NPAS3: variants seen among roughly 807,000 people sequenced by gnomAD.
NPAS3 encodes the protein neuronal PAS domain-containing protein 3.
A neutral mutation model predicts 73.1 loss-of-function variants in NPAS3; 14 were observed. That is an observed-to-expected ratio of 0.19 (90% CI 0.13 to 0.30). The LOEUF (loss-of-function observed/expected upper bound fraction) is 0.30. Among genes scored for constraint, NPAS3 ranks in the 10% least tolerant of loss-of-function variants. The pLI is 1.00. For synonymous variants in NPAS3, 620 were observed against 541.5 expected (o/e 1.14, Z -2.01); for missense variants, 1,096 against 1,250.0 (o/e 0.88, Z 1.86).
chr14:33,079,609 C>CTTTTTTTT (rs34920021), intron 2 of NPAS3, among the ~76,000 whole-genome samples: 4 of 56,046 alleles, frequency 7.1e-5, no homozygotes, highest in Non-Finnish European at 1.2e-4. Flanking sequence ...TGAGCCAGGC[C>CTTTTTTTT]TTTTTTTTTT....
chr14:32,996,735 T>G (rs916713060), intron 1 of NPAS3, among the ~76,000 whole-genome samples: 1 of 152,126 alleles, frequency 6.6e-6, no homozygotes, highest in African/African-American at 2.4e-5. Context: ...AGAGGATATA[T>G]GGAAATGCCT....
chr14:33,196,878 A>G (rs376883460), intron 2 of NPAS3, among the ~76,000 whole-genome samples: 3 of 152,348 alleles, frequency 2.0e-5, no homozygotes, highest in East Asian at 3.9e-4. Flanking sequence ...TTGCCAAATC[A>G]GGTATCCTTG....
intron 5 of NPAS3, among the ~76,000 whole-genome samples, chr14:33,621,584 A>G (rs538034244): frequency 6.6e-6 from 1 of 152,312 alleles, no homozygotes; most frequent in Non-Finnish European, 1.5e-5. Flanking sequence ...ATAGCTAGTA[A>G]GTTCCAAAAT....
In NPAS3 at chr14:33,063,530, T is replaced by C. The variant is rs546241300; in HGVS notation, c.140+7536T>C. Among the ~76,000 whole-genome samples the C allele has an allele frequency of 4.6e-5, 7 of 152,296 alleles. No homozygotes were observed. The East Asian group carries it at 1.4e-3, about 29-fold the overall frequency. On this transcript the variant is annotated intron_variant, in intron 2 of 11. Coordinates refer to ENST00000356141, the Ensembl canonical transcript of NPAS3. ...GGAATTAGGATTAGTATCACTGAAT[T>C]AGGGCCCATTAGCCAAATCTACCCC...
chr14:33,674,933 C>T (rs1194687092), intron 5 of NPAS3, among the ~76,000 whole-genome samples: 2 of 152,108 alleles, frequency 1.3e-5, no homozygotes, highest in African/African-American at 2.4e-5. Context: ...GTATTACAGT[C>T]TCTGTGACAG....
At chr14:33,669,902 G>T (rs10142638) in intron 5 of NPAS3, among the ~76,000 whole-genome samples, 2,878 of 151,904 alleles carry the variant, frequency 0.019, 91 homozygotes, top group African/African-American at 0.066. Context: ...TTGTTTTTTT[G>T]GGGGTTTTTT....
chr14:33,232,234 A>G (rs2047878067), intron 3 of NPAS3, among the ~76,000 whole-genome samples: 1 of 152,204 alleles, frequency 6.6e-6, no homozygotes, highest in Non-Finnish European at 1.5e-5. Context: ...CTCTCTAGAC[A>G]TAACCAAGTT....
chr14:33,241,393 G>A (rs777671397), intron 3 of NPAS3, among the ~76,000 whole-genome samples: 16 of 151,976 alleles, frequency 1.1e-4, no homozygotes, highest in Non-Finnish European at 2.2e-4. Context: ...CTATGTAGCT[G>A]TCTTAGAAGA....
intron 5 of NPAS3, chr14:33,612,271 C>G (rs982252650): frequency 4.9e-5 from 19 of 387,120 alleles, no homozygotes; most frequent in Admixed American, 3.5e-4. Flanking sequence ...CCCCACTGTT[C>G]AGCTGATCTC....
intron 2 of NPAS3, among the ~76,000 whole-genome samples, chr14:33,196,936 T>C (rs2046377541): frequency 6.6e-6 from 1 of 152,224 alleles, no homozygotes; most frequent in Non-Finnish European, 1.5e-5. Flanking sequence ...ATTGGCCTGG[T>C]ATTTTTTCTT....
chr14:33,235,013 C>T (rs1566707957), intron 3 of NPAS3, among the ~76,000 whole-genome samples: 1 of 151,920 alleles, frequency 6.6e-6, no homozygotes, highest in East Asian at 1.9e-4. Flanking sequence ...TAGATAAAAC[C>T]AGATACCGAA....
intron 4 of NPAS3, among the ~76,000 whole-genome samples, chr14:33,488,651 G>C (rs1434890545): frequency 6.6e-6 from 1 of 152,198 alleles, no homozygotes; most frequent in Non-Finnish European, 1.5e-5. Context: ...GAACAGGACT[G>C]TCTGTCCTAT....
At chr14:33,236,048 T>C (rs922655165) in intron 3 of NPAS3, among the ~76,000 whole-genome samples, 3 of 151,958 alleles carry the variant, frequency 2.0e-5, no homozygotes, top group African/African-American at 4.8e-5. Context: ...TAGCATCTAT[T>C]TGATTCATCT....
At chr14:33,663,202 T>G (rs370143684) in intron 5 of NPAS3, among the ~76,000 whole-genome samples, 1 of 152,148 alleles carries the variant, frequency 6.6e-6, no homozygotes, top group African/African-American at 2.4e-5. Flanking sequence ...ATATTGGCTG[T>G]GGGTTTGTCA....
At chr14:33,793,965 A>G (rs2063440922) in exon 10 of NPAS3, 1 of 1,613,760 alleles carries the variant, frequency 6.2e-7, no homozygotes, top group Non-Finnish European at 8.5e-7. Context: ...ATATATTTGG[A>G]TACAGTCCAG....
intron 2 of NPAS3, among the ~76,000 whole-genome samples, chr14:33,058,822 C>T (rs985766309): frequency 2.0e-5 from 3 of 152,104 alleles, no homozygotes; most frequent in African/African-American, 7.2e-5. Flanking sequence ...GAATGGAAGC[C>T]ACTGTGATAG....
At chr14:33,770,700 G>C (rs1321382127) in intron 7 of NPAS3, among the ~76,000 whole-genome samples, 1 of 152,164 alleles carries the variant, frequency 6.6e-6, no homozygotes, top group East Asian at 1.9e-4. Context: ...AGGAGTTCAG[G>C]ACCAGCCTGG....
intron 2 of NPAS3, among the ~76,000 whole-genome samples, chr14:33,109,376 A>G (rs1384538504): frequency 1.3e-5 from 2 of 152,250 alleles, no homozygotes; most frequent in South Asian, 2.1e-4. Context: ...GCAAAAATTT[A>G]TGTTATGTGT....
chr14:32,967,779 G>T (rs2037240948), intron 1 of NPAS3, among the ~76,000 whole-genome samples: 1 of 148,944 alleles, frequency 6.7e-6, no homozygotes, highest in Admixed American at 6.7e-5. Context: ...TGTGGGGGGG[G>T]GTCCTAAAAA....
Sources: gnomAD v4.1 joint callset for allele counts (sites outside exome capture counted in the v4.1 genomes callset) on GRCh38, gnomAD v4.1.1 for gene constraint, MANE v1.5 for transcripts, NCBI Gene and HGNC (gene_info 2026-07-23, HGNC 2026-07-21) for gene names.